GDAP1: variants seen among roughly 807,000 people sequenced by gnomAD.
GDAP1 encodes the protein ganglioside induced differentiation associated protein 1, also known as ganglioside-induced differentiation-associated protein 1.
Under a neutral mutation model 40.1 loss-of-function variants are expected in GDAP1, and 34 were observed. The observed-to-expected ratio is 0.85, with a 90% CI of 0.64 to 1.13. GDAP1 has a LOEUF of 1.13. Among genes scored for constraint, GDAP1 ranks in the 50% most tolerant of loss-of-function variants. The pLI, the probability that GDAP1 is intolerant of heterozygous loss-of-function variation, is 0.00. For missense variants in GDAP1, 374 were observed against 433.7 expected, an observed-to-expected ratio of 0.86 and a Z score of 1.22; for synonymous variants, 170 against 157.4, an observed-to-expected ratio of 1.08 and a Z score of -0.60.
chr8:74,405,323 A>G (rs1805625182), intron 2 of GDAP1, among the ~76,000 whole-genome samples: 1 of 150,178 alleles, frequency 6.7e-6, no homozygotes, highest in Non-Finnish European at 1.5e-5. Flanking sequence ...TCAAGGTGAG[A>G]TTTGGGTGGG....
chr8:74,429,407 T>C (rs1805998740), intron 2 of GDAP1, among the ~76,000 whole-genome samples: 1 of 152,196 alleles, frequency 6.6e-6, no homozygotes, highest in African/African-American at 2.4e-5. Context: ...ATAGTATATG[T>C]AATATTATTA....
In GDAP1 at chr8:74,364,255, C is replaced by T. The variant is rs199529910; in HGVS notation, c.965C>T (p.Thr322Met). 286 of 1,614,016 alleles carry T rather than the reference C, an allele frequency of 1.8e-4. 1 individual carries two copies. Among genetic ancestry groups the T allele is most frequent in the Admixed American group, 2.3e-4 (14 of 60,002 alleles). ...AKKRAPKVLG[T>M]TLVVGLLAGV... The stretch of plus-strand genomic sequence containing the variant: ...AAAAGGGCCCCAAAAGTTCTTGGCA[C>T]GACCCTTGTGGTTGGTTTGCTTGCA... Residue 322 changes from threonine (T) to methionine (M), a missense_variant, in exon 6 of 6, where the codon ACG (threonine) becomes ATG (methionine). By Grantham distance (81) the Thr-to-Met change is moderately conservative (BLOSUM62 -1). Coordinates refer to ENST00000220822, the MANE Select transcript of GDAP1 (RefSeq NM_018972.4).
chr8:74,475,631 C>A (rs962027623), intron 2 of GDAP1, among the ~76,000 whole-genome samples: 2 of 152,114 alleles, frequency 1.3e-5, no homozygotes, highest in East Asian at 1.9e-4. Context: ...ATTTTTATTG[C>A]CCTGTGGTCT....
intron 2 of GDAP1, among the ~76,000 whole-genome samples, chr8:74,422,315 TTC>T (rs1805874989): frequency 1.9e-5 from 1 of 52,742 alleles, no homozygotes; most frequent in Non-Finnish European, 3.2e-5. Context: ...CTTTCTTTCT[TTC>T]TTTCTTTCTT....
chr8:74,423,585 C>G (rs1805910038), intron 2 of GDAP1, among the ~76,000 whole-genome samples: 1 of 151,770 alleles, frequency 6.6e-6, no homozygotes, highest in Non-Finnish European at 1.5e-5. Flanking sequence ...CTAATACAAG[C>G]TAAATAATTT....
rs1231490753 is a variant in GDAP1 at position 74,351,796 on chromosome 8, A to T, written c.310+330A>T. ...TAAATTCATAATATTCTAAATGTGCACTGTGACGATTTCATCTAATATACC... is the reference window on the plus strand; with the variant it reads ...TAAATTCATAATATTCTAAATGTGCTCTGTGACGATTTCATCTAATATACC... On this transcript the variant is annotated intron_variant, in intron 2 of 5. Transcript: ENST00000220822. 3.9e-5 allele frequency among the ~76,000 whole-genome samples: 6 copies of T among 152,352 alleles called. No homozygotes were observed. The East Asian group carries it at 1.2e-3, about 29-fold the overall frequency.
At chr8:74,474,275 G>T (rs1806597740) in intron 2 of GDAP1, among the ~76,000 whole-genome samples, 1 of 152,022 alleles carries the variant, frequency 6.6e-6, no homozygotes, top group Non-Finnish European at 1.5e-5. Context: ...ATATTTGGAT[G>T]CCCTTTATTT....
At chr8:74,360,970 C>T (rs1809332088) in intron 3 of GDAP1, among the ~76,000 whole-genome samples, 1 of 152,154 alleles carries the variant, frequency 6.6e-6, no homozygotes, top group Non-Finnish European at 1.5e-5. Flanking sequence ...ATCCAGAAAC[C>T]ATGTGTTCCC....
intron 2 of GDAP1, chr8:74,376,938 G>A (rs1284611874): frequency 1.3e-5 from 2 of 152,018 alleles, no homozygotes; most frequent in Non-Finnish European, 2.9e-5. Context: ...AAAGCATGGG[G>A]GTCGATTCTG....
At position 74,447,174 on chromosome 8, in the gene GDAP1, A is replaced by G. The variant is rs143576118; in HGVS notation, c.166-41504A>G. Among the ~76,000 whole-genome samples the G allele has an allele frequency of 5.6e-3, 847 of 152,284 alleles. 3 individuals carry two copies. The highest frequency in any genetic ancestry group is 0.014 in the Middle Eastern group (4 of 294). On this transcript the variant is annotated intron_variant, in intron 2 of 2. Transcript: ENST00000523640. ...TATAAGTTAGAAAGAGGTAATTACC[A>G]TGAGAATGAAACACACCAAAATTCT... is the stretch of plus-strand genomic sequence containing the variant.
intron 2 of GDAP1, among the ~76,000 whole-genome samples, chr8:74,419,219 C>A (rs931864517): frequency 1.3e-5 from 2 of 152,164 alleles, no homozygotes; most frequent in African/African-American, 4.8e-5. Context: ...ACACAAAACG[C>A]TTATATAAAT....
Position 74,364,319 on chromosome 8 carries a change from G to A in GDAP1, c.1029G>A (p.Arg343=). 6.2e-7 allele frequency: 1 copy of A among 1,614,044 alleles called. No homozygotes were observed. Among genetic ancestry groups the A allele is most frequent in the Non-Finnish European group, 8.5e-7 (1 of 1,179,940 alleles). The change falls in exon 6 of 6, where the codon AGG becomes AGA. Residue 343 remains arginine, a synonymous_variant. Coordinates refer to ENST00000220822, the MANE Select transcript of GDAP1 (RefSeq NM_018972.4). ...TTGCTTTTATGCTTTTCAGAAAGAGGCTTGGCAGCATGATATTAGCATTTA... is the reference window on the plus strand; with the variant it reads ...TTGCTTTTATGCTTTTCAGAAAGAGACTTGGCAGCATGATATTAGCATTTA... ...GYFAFMLFRK[R]LGSMILAFRP... is the part of the protein sequence containing the mutation.
chr8:74,458,399 A>T (rs1289392908), intron 2 of GDAP1, among the ~76,000 whole-genome samples: 1 of 152,154 alleles, frequency 6.6e-6, no homozygotes, highest in Non-Finnish European at 1.5e-5. Context: ...AATGAAGACA[A>T]TGTTTACAGT....
chr8:74,399,830 G>A (rs1810290086), intron 2 of GDAP1, among the ~76,000 whole-genome samples: 1 of 138,538 alleles, frequency 7.2e-6, no homozygotes, highest in Non-Finnish European at 1.5e-5. Context: ...TCAGGAGCAG[G>A]TTGTTCAGTT....
chr8:74,447,609 T>G (rs1254848565), intron 2 of GDAP1, among the ~76,000 whole-genome samples: 1 of 152,094 alleles, frequency 6.6e-6, no homozygotes, highest in Non-Finnish European at 1.5e-5. Context: ...TTATTTGTGA[T>G]ATATCTTTTC....
At chr8:74,390,523 A>T (rs1055103736) in intron 2 of GDAP1, among the ~76,000 whole-genome samples, 1 of 152,214 alleles carries the variant, frequency 6.6e-6, no homozygotes, top group Non-Finnish European at 1.5e-5. Flanking sequence ...GCAGAACAGC[A>T]AAGATTGCTC....
chr8:74,351,506 C>A (rs755612199), intron 2 of GDAP1, 40 bp downstream of exon 2: 5 of 1,333,558 alleles, frequency 3.7e-6, no homozygotes, highest in Non-Finnish European at 5.4e-6. Context: ...GATTTACTTT[C>A]AACACAACTA....
At chr8:74,473,096 T>G (rs963937933) in intron 2 of GDAP1, among the ~76,000 whole-genome samples, 1 of 141,728 alleles carries the variant, frequency 7.1e-6, no homozygotes, top group Non-Finnish European at 1.6e-5. Context: ...TTTTTTTTTT[T>G]TGAAAAGTGC....
chr8:74,444,750 G>T (rs561369727), intron 2 of GDAP1, among the ~76,000 whole-genome samples: 1 of 152,114 alleles, frequency 6.6e-6, no homozygotes, highest in Non-Finnish European at 1.5e-5. Context: ...TAAATGAATT[G>T]GATTTCTCCC....
Sources: gnomAD v4.1 joint callset for allele counts (sites outside exome capture counted in the v4.1 genomes callset) on GRCh38, gnomAD v4.1.1 for gene constraint, MANE v1.5 for transcripts, NCBI Gene and HGNC (gene_info 2026-07-23, HGNC 2026-07-21) for gene names.